Variants in KMT5C observed in about 807,000 individuals in gnomAD.
KMT5C encodes the protein lysine methyltransferase 5C.
In KMT5C, 16 loss-of-function variants were observed where a neutral mutation model predicts 38.2. That is an observed-to-expected ratio of 0.42 (90% CI 0.28 to 0.64). The LOEUF (loss-of-function observed/expected upper bound fraction) is 0.64, where lower values mean the gene tolerates loss of function less well. Ranked by LOEUF, KMT5C falls within the 30% of genes least tolerant of loss-of-function variation. The probability of loss-of-function intolerance (pLI) is 0.23; values close to 1 mark genes in which losing one functional copy is unlikely to be tolerated. For missense variants in KMT5C, 598 were observed against 665.1 expected (o/e 0.90, Z 1.11); for synonymous variants, 291 against 279.0 (o/e 1.04, Z -0.43).
In KMT5C at chr19:55,341,590, G is replaced by A. The variant is rs372037521; in HGVS notation, c.-143-204G>A. On this transcript the variant is annotated intron_variant, in intron 1 of 8. Transcript: ENST00000255613. The stretch of plus-strand genomic sequence containing the variant: ...TGTACATATGGGCAGGGGCATCTGC[G>A]TGTGTCAGTCTGAGTGTGCATGGGT... 34 of 322,470 alleles carry A rather than the reference G, an allele frequency of 1.1e-4. 1 individual carries two copies. The highest frequency in any genetic ancestry group is 6.9e-4 in the African/African-American group (32 of 46,120). The allele number at this position is 322,470 out of a possible 1,614,324, so 20.0% of individuals were successfully genotyped here. A position where few individuals can be genotyped will look rare whatever the true frequency, so the allele number is the denominator to read the frequency against.
At chr19:55,346,904 T>G (rs2089625704) in intron 8 of KMT5C, 52 bp from the exon 9 acceptor site, 1 of 789,374 alleles carries the variant, frequency 1.3e-6, no homozygotes, top group African/African-American at 1.7e-5. Context: ...CAGCTTGCAC[T>G]GACTTCACCT....
chr19:55,347,166 G>A lies in KMT5C; in HGVS notation c.1106G>A (p.Arg369Gln), dbSNP rs776763219. 2.0e-5 allele frequency: 30 copies of A among 1,536,570 alleles called. No individual in the cohort carries two copies. The highest frequency in any genetic ancestry group is 1.3e-4 in the South Asian group (11 of 84,136). ...WGGCGPHCRLRGEALVALGQP... is the reference protein window; with the variant it reads ...WGGCGPHCRLQGEALVALGQP... ...GGCTGTGGCCCCCACTGCCGCCTGC[G>A]AGGAGAGGCCCTGGTGGCCCTGGGC... Residue 369 changes from arginine to glutamine, a missense_variant, in exon 9 of 9, where the codon CGA becomes CAA. Coordinates refer to ENST00000255613, the MANE Select transcript of KMT5C (RefSeq NM_032701.4). This position sits in a 1 kb window ranked among gnomAD's most constrained non-coding sequence, Gnocchi z 4.6.
intron 6 of KMT5C, 95 bp downstream of exon 6, chr19:55,344,092 C>A: frequency 7.3e-7 from 1 of 1,367,782 alleles, no homozygotes; most frequent in Admixed American, 2.0e-5. Context: ...AGCCAAACAC[C>A]GGCCGGGCGC....
chr19:55,342,079 G>A, intron 2 of KMT5C, 33 bp downstream of exon 2: 2 of 1,590,512 alleles, frequency 1.3e-6, no homozygotes, highest in Non-Finnish European at 1.7e-6. Context: ...GTGGGCCCGA[G>A]GGGTCAGGAC....
rs559951423 is a variant in KMT5C at position 55,347,671 on chromosome 19, G to A, written c.*222G>A. 23 of 683,330 alleles carry A rather than the reference G, an allele frequency of 3.4e-5. No homozygotes were observed. The highest frequency in any genetic ancestry group is 1.3e-4 in the East Asian group (4 of 30,146). 42.3% of individuals were successfully genotyped at this position (683,330 alleles called of 1,614,324 possible). A position where few individuals can be genotyped will look rare whatever the true frequency, so the allele number is the denominator to read the frequency against. On this transcript the variant is annotated 3_prime_UTR_variant, in exon 9 of 9. Coordinates refer to ENST00000255613, the MANE Select transcript of KMT5C (RefSeq NM_032701.4). This position sits in a 1 kb window ranked among gnomAD's most constrained non-coding sequence, Gnocchi z 4.6. Reference sequence around the variant, plus strand: ...CACCCCCACTCCCACAGGGAGCCCCGGCCATTTGCTGCCCTCCCCACCCCT... The same window carrying A: ...CACCCCCACTCCCACAGGGAGCCCCAGCCATTTGCTGCCCTCCCCACCCCT...
rs2089560517 is a variant in KMT5C at position 55,341,826 on chromosome 19, G to T, written c.-111G>T. ...CGTGGGGCTCACCAGCGTCCCCCAT[G>T]GCTTCTGAGTAGCGTGGGAGTGGAG... is the stretch of plus-strand genomic sequence containing the variant. On this transcript the variant is annotated 5_prime_UTR_variant, in exon 2 of 9. It removes an upstream start codon present in the reference 5' UTR. Coordinates refer to ENST00000255613, the MANE Select transcript of KMT5C (RefSeq NM_032701.4). The T allele has an allele frequency of 7.6e-6, 6 of 788,868 alleles. No homozygotes were observed. The highest frequency in any genetic ancestry group is 6.3e-5 in the South Asian group (4 of 63,824). The allele number at this position is 788,868 out of a possible 1,614,324, so 48.9% of individuals were successfully genotyped here. A position where few individuals can be genotyped will look rare whatever the true frequency, so the allele number is the denominator to read the frequency against.
Position 55,347,606 on chromosome 19 carries a change from G to T in KMT5C, c.*157G>T. On this transcript the variant is annotated 3_prime_UTR_variant, in exon 9 of 9. Transcript: ENST00000255613. This position sits in a 1 kb window ranked among gnomAD's most constrained non-coding sequence, Gnocchi z 4.6. ...TGGGGTTGGTTTGGACACCCCCAGG[G>T]ATCTGAGCCCTGACCCTTTGTGACT... The T allele has an allele frequency of 1.6e-6, 2 of 1,256,132 alleles. No homozygotes were observed. Among genetic ancestry groups the T allele is most frequent in the Non-Finnish European group, 1.0e-6 (1 of 953,688 alleles). The allele number at this position is 1,256,132 out of a possible 1,614,324, so 77.8% of individuals were successfully genotyped here.
intron 3 of KMT5C, 164 bp downstream of exon 3, chr19:55,342,544 G>A: frequency 3.1e-6 from 2 of 653,508 alleles, no homozygotes; most frequent in South Asian, 1.9e-5. Context: ...AATCCTAGGA[G>A]AGGAGAGTTG....
chr19:55,344,219 G>A (rs1160442725), intron 6 of KMT5C: 33 of 437,002 alleles, frequency 7.6e-5, no homozygotes, highest in East Asian at 4.0e-4. Context: ...AAAATTAGTC[G>A]GGCGTGGTGG....
chr19:55,342,905 G>GTCTCTCTTGTCCCCTCTGA, intron 4 of KMT5C, 54 bp downstream of exon 4: 3 of 1,106,828 alleles, frequency 2.7e-6, no homozygotes, highest in Non-Finnish European at 4.2e-6. Flanking sequence ...AGCTCAGAGG[G>GTCTCTCTTGTCCCCTCTGA]GACAAGAGAG....
At chr19:55,340,134 G>T (rs1042079439) in intron 1 of KMT5C, among the ~76,000 whole-genome samples, 177 bp downstream of exon 1, 1 of 151,312 alleles carries the variant, frequency 6.6e-6, no homozygotes, top group African/African-American at 2.4e-5. Context: ...CGGCACTGCA[G>T]CCTCCTTCCT....
rs758106964 is a variant in KMT5C, at chr19:55,346,293, C to T, written c.651C>T (p.Tyr217=). Residue 217 remains tyrosine, a synonymous_variant, in exon 7 of 9, where the codon TAC becomes TAT. Coordinates refer to ENST00000255613, the MANE Select transcript of KMT5C (RefSeq NM_032701.4). ...CTGGGGACGAGGTGACATGCTTCTACGGCGAGGGCTTCTTCGGCGAGAAGA... is the reference window on the plus strand; with the variant it reads ...CTGGGGACGAGGTGACATGCTTCTATGGCGAGGGCTTCTTCGGCGAGAAGA... ...IEPGDEVTCF[Y]GEGFFGEKNE... is the part of the protein sequence containing the mutation. The T allele has an allele frequency of 2.5e-5, 41 of 1,613,924 alleles. No individual in the cohort carries two copies. The highest frequency in any genetic ancestry group is 3.1e-5 in the Non-Finnish European group (37 of 1,179,962).
intron 1 of KMT5C, among the ~76,000 whole-genome samples, chr19:55,341,180 C>T (rs1362791933): frequency 6.6e-6 from 1 of 152,224 alleles, no homozygotes; most frequent in Non-Finnish European, 1.5e-5. Context: ...CCTGTGCTGC[C>T]TCCCCATAGT....
chr19:55,341,376 C>T (rs1365930171), intron 1 of KMT5C, among the ~76,000 whole-genome samples: 1 of 145,458 alleles, frequency 6.9e-6, no homozygotes, highest in African/African-American at 2.5e-5. Context: ...AGGCAGGGGG[C>T]GGAGACCGAG....
intron 6 of KMT5C, chr19:55,345,069 C>T (rs370613755): frequency 5.5e-5 from 25 of 455,916 alleles, no homozygotes; most frequent in Middle Eastern, 3.2e-4. Flanking sequence ...AAACAAAAGG[C>T]GGCATTCGGA....
At chr19:55,342,664 G>T (rs2089572852) in intron 3 of KMT5C, 78 bp from the exon 4 acceptor site, 1 of 829,388 alleles carries the variant, frequency 1.2e-6, no homozygotes, top group African/African-American at 1.7e-5. Flanking sequence ...CAGTGGCATG[G>T]CAGGCCTAGA....
chr19:55,344,293 C>T (rs1054747129), intron 6 of KMT5C: 24 of 280,504 alleles, frequency 8.6e-5, no homozygotes, highest in African/African-American at 1.4e-4. Context: ...ACCCGGGAGG[C>T]GGAGCTTGCG....
chr19:55,347,553 T>G lies in KMT5C; in HGVS notation c.*104T>G, dbSNP rs1396818745. ...GGACCTCTGGGAGGGAGCTGACCCT[T>G]GACTCCAGCATAGCTCTGACCCTGG... On this transcript the variant is annotated 3_prime_UTR_variant, in exon 9 of 9. Transcript: ENST00000255613. The surrounding 1 kb of genome is among the most constrained non-coding windows in gnomAD (Gnocchi z 4.6). The G allele has an allele frequency of 3.5e-6, 5 of 1,438,774 alleles. No homozygotes were observed. The highest frequency in any genetic ancestry group is 3.6e-6 in the Non-Finnish European group (4 of 1,100,894). The allele number at this position is 1,438,774 out of a possible 1,614,324, so 89.1% of individuals were successfully genotyped here. A position where few individuals can be genotyped will look rare whatever the true frequency, so the allele number is the denominator to read the frequency against.
At chr19:55,340,147 G>A (rs991589739) in intron 1 of KMT5C, among the ~76,000 whole-genome samples, 190 bp downstream of exon 1, 3 of 151,662 alleles carry the variant, frequency 2.0e-5, no homozygotes, top group Non-Finnish European at 4.4e-5. Context: ...TCCTTCCTGT[G>A]CTTCCTCACC....
Sources: gnomAD v4.1 joint callset for allele counts (sites outside exome capture counted in the v4.1 genomes callset) on GRCh38, gnomAD v4.1.1 for gene constraint, Gnocchi (gnomAD v3.1) non-coding constraint, MANE v1.5 for transcripts, NCBI Gene and HGNC (gene_info 2026-07-23, HGNC 2026-07-21) for gene names.